The following SLCO6A1 variants were observed in gnomAD, a reference collection of about 807,000 sequenced individuals.
SLCO6A1 encodes the protein cancer/testis antigen 48.
SLCO6A1 carries 65 observed loss-of-function variants against 72.7 expected under a neutral mutation model. The ratio of observed to expected loss-of-function variants is 0.89; its 90% CI spans 0.73 to 1.10. The LOEUF is 1.10. Ranked by LOEUF, SLCO6A1 falls within the 50% of genes least tolerant of loss-of-function variation. The pLI is 0.00. For missense variants in SLCO6A1, 874 were observed against 872.6 expected (o/e 1.00, Z -0.02); for synonymous variants, 314 against 298.2 (o/e 1.05, Z -0.55).
Position 102,477,837 on chromosome 5 carries a change from A to G in SLCO6A1, c.641T>C (p.Val214Ala). ...TATACCACTGCTCTGGCAACCACTG[A>G]CAACCTTTATTTCTTCGCAAATATC... ...IEDICEEIKVVSGCQSSGISF... is the reference protein window; with the variant it reads ...IEDICEEIKVASGCQSSGISF... The change falls in exon 3 of 14, where the codon GTC becomes GCC. Residue 214 changes from valine (V) to alanine (A), a missense_variant. Physicochemically the swap from Val to Ala is moderately conservative, Grantham distance 64. Transcript: ENST00000506729. 1 of 1,607,034 alleles carries G rather than the reference A, an allele frequency of 6.2e-7. No individual in the cohort carries two copies.
chr5:102,402,866 G>A (rs1012273740), intron 9 of SLCO6A1, among the ~76,000 whole-genome samples: 2 of 152,036 alleles, frequency 1.3e-5, no homozygotes, highest in African/African-American at 2.4e-5. Context: ...ATCAACTTTT[G>A]CAAATGGCTT....
chr5:102,489,745 T>C (rs1320696916), intron 1 of SLCO6A1, among the ~76,000 whole-genome samples: 1 of 152,230 alleles, frequency 6.6e-6, no homozygotes, highest in Non-Finnish European at 1.5e-5. Flanking sequence ...TGCTACTGGA[T>C]ATATATTCAA....
intron 7 of SLCO6A1, among the ~76,000 whole-genome samples, chr5:102,427,636 G>C (rs957212609): frequency 2.0e-5 from 3 of 151,682 alleles, no homozygotes; most frequent in Non-Finnish European, 2.9e-5. Context: ...ATATAGTGTA[G>C]TATCTTGAAT....
chr5:102,436,634 A>G (rs1236689730), intron 7 of SLCO6A1, among the ~76,000 whole-genome samples: 1 of 152,166 alleles, frequency 6.6e-6, no homozygotes, highest in African/African-American at 2.4e-5. Flanking sequence ...TAGAAATTTA[A>G]TGATCCCCAT....
At chr5:102,404,445 A>G (rs1747562120) in intron 9 of SLCO6A1, among the ~76,000 whole-genome samples, 1 of 152,170 alleles carries the variant, frequency 6.6e-6, no homozygotes, top group African/African-American at 2.4e-5. Context: ...CAGTGAGCCA[A>G]GATCTCGCCA....
intron 4 of SLCO6A1, among the ~76,000 whole-genome samples, chr5:102,471,210 T>C (rs1751593291): frequency 1.3e-5 from 2 of 152,036 alleles, no homozygotes; most frequent in Non-Finnish European, 2.9e-5. Flanking sequence ...CCAAAGTAAA[T>C]ACCTTCTTCA....
intron 4 of SLCO6A1, among the ~76,000 whole-genome samples, chr5:102,460,899 C>CATATATATAT (rs60973292): frequency 6.1e-5 from 8 of 130,280 alleles, no homozygotes; most frequent in South Asian, 2.5e-4. Context: ...CCACTTATCT[C>CATATATATAT]ATATATATAT....
intron 7 of SLCO6A1, among the ~76,000 whole-genome samples, chr5:102,424,243 C>G (rs994571074): frequency 3.3e-5 from 5 of 152,044 alleles, no homozygotes; most frequent in Non-Finnish European, 5.9e-5. Context: ...CATTCAAAAG[C>G]TAGCAGAAGA....
intron 7 of SLCO6A1, among the ~76,000 whole-genome samples, chr5:102,428,139 G>T (rs998296356): frequency 5.9e-5 from 9 of 151,484 alleles, no homozygotes; most frequent in Non-Finnish European, 1.2e-4. Context: ...AAAGTGCTGA[G>T]ATTATAGGCA....
At position 102,391,163 on chromosome 5, in the gene SLCO6A1, T is replaced by G. The variant is rs1746737022; in HGVS notation, c.1815-118A>C. 1.2e-5 allele frequency: 11 copies of G among 929,222 alleles called. No homozygotes were observed. In the Admixed American group the frequency reaches 2.3e-4, roughly 19 times the overall value. The allele number at this position is 929,222 out of a possible 1,614,324, so 57.6% of individuals were successfully genotyped here. On this transcript the variant is annotated intron_variant, in intron 10 of 13. Coordinates refer to ENST00000506729, the MANE Select transcript of SLCO6A1 (RefSeq NM_173488.5). ...GGTGCATCAATTGTACTAAGAATCT[T>G]TAGCCAATTGACAGAGTTTAAGCTG...
chr5:102,483,369 C>CTA (rs1279120355), intron 1 of SLCO6A1, among the ~76,000 whole-genome samples: 1 of 152,132 alleles, frequency 6.6e-6, no homozygotes, highest in Admixed American at 6.5e-5. Flanking sequence ...TCCCCTAAGT[C>CTA]TATAATGCTA....
intron 6 of SLCO6A1, among the ~76,000 whole-genome samples, chr5:102,442,726 G>A (rs1749905656): frequency 6.6e-6 from 1 of 152,284 alleles, no homozygotes; most frequent in African/African-American, 2.4e-5. Context: ...GTAAGAAAAC[G>A]AATACACTTT....
Position 102,373,381 on chromosome 5 carries a change from CT to C in SLCO6A1, c.2130del (p.Val711LeufsTer25). On this transcript the variant is annotated frameshift_variant, in exon 13 of 14. Coordinates refer to ENST00000506729, the MANE Select transcript of SLCO6A1 (RefSeq NM_173488.5). LOFTEE classifies it high-confidence loss of function. ...DFPDVTVKNP[K>X]VKKKEETDL ...AAGTCAGTTTCTTCTTTTTTCTTAA[CT>C]TTTGGATTCTTCACAGTTACATCTG... 6.4e-7 allele frequency: 1 copy of C among 1,569,260 alleles called. No individual in the cohort carries two copies. The highest frequency in any genetic ancestry group is 8.6e-7 in the Non-Finnish European group (1 of 1,162,208).
At chr5:102,452,441 C>T (rs1432586967) in intron 6 of SLCO6A1, among the ~76,000 whole-genome samples, 1 of 152,044 alleles carries the variant, frequency 6.6e-6, no homozygotes, top group African/African-American at 2.4e-5. Context: ...ATCCTCTGTT[C>T]TACCTTCTGT....
chr5:102,404,703 A>G (rs1747579661), intron 9 of SLCO6A1, among the ~76,000 whole-genome samples: 1 of 152,162 alleles, frequency 6.6e-6, no homozygotes, highest in African/African-American at 2.4e-5. Flanking sequence ...TATTACTATA[A>G]TGGATTTATG....
At chr5:102,427,368 A>G (rs2112639435) in intron 7 of SLCO6A1, among the ~76,000 whole-genome samples, 1 of 152,290 alleles carries the variant, frequency 6.6e-6, no homozygotes, top group Admixed American at 6.5e-5. Context: ...GATCAAAGTC[A>G]AATTCAAAAG....
intron 8 of SLCO6A1, among the ~76,000 whole-genome samples, chr5:102,414,933 A>T (rs149571463): frequency 0.37 from 27,353 of 74,070 alleles, 2,624 homozygotes; most frequent in South Asian, 0.4. Context: ...ATAAATAAAT[A>T]AATAAATTAA....
chr5:102,482,350 G>A (rs1005393310), intron 1 of SLCO6A1, among the ~76,000 whole-genome samples: 1 of 152,100 alleles, frequency 6.6e-6, no homozygotes, highest in Admixed American at 6.6e-5. Flanking sequence ...CAAGTAAGAG[G>A]AAATGCAGAG....
intron 12 of SLCO6A1, among the ~76,000 whole-genome samples, chr5:102,385,703 T>A (rs928311539): frequency 2.6e-5 from 4 of 152,124 alleles, no homozygotes; most frequent in African/African-American, 9.7e-5. Flanking sequence ...TGTGTATTAT[T>A]TTTGTTATTT....
Sources: gnomAD v4.1 joint callset for allele counts (sites outside exome capture counted in the v4.1 genomes callset) on GRCh38, gnomAD v4.1.1 for gene constraint, MANE v1.5 for transcripts, NCBI Gene and HGNC (gene_info 2026-07-23, HGNC 2026-07-21) for gene names.